The following SMAD2 variants were observed in gnomAD, a reference collection of about 807,000 sequenced individuals.
The protein encoded by SMAD2 is SMAD family member 2.
A neutral mutation model predicts 64.4 loss-of-function variants in SMAD2; 8 were observed. The observed-to-expected ratio is 0.12, with a 90% CI of 0.07 to 0.22. SMAD2 has a LOEUF of 0.22. Ranked by LOEUF, SMAD2 falls within the 10% of genes least tolerant of loss-of-function variation. SMAD2 has a pLI of 1.00. For synonymous variants in SMAD2, 203 were observed against 195.8 expected (o/e 1.04, Z -0.31); for missense variants, 289 against 561.2 (o/e 0.51, Z 4.90).
chr18:47,861,892 T>C (rs2031215585), intron 6 of SMAD2, among the ~76,000 whole-genome samples: 2 of 152,216 alleles, frequency 1.3e-5, no homozygotes, highest in Non-Finnish European at 2.9e-5. Flanking sequence ...ATCAGTCCTA[T>C]TAATACTCTA....
intron 2 of SMAD2, among the ~76,000 whole-genome samples, chr18:47,872,470 A>C (rs2031995474): frequency 6.6e-6 from 1 of 152,208 alleles, no homozygotes; most frequent in African/African-American, 2.4e-5. Flanking sequence ...TATAACAACT[A>C]TTTACACAGC....
rs542729373 is a variant in SMAD2, at chr18:47,827,518, C to T, written c.*14309G>A. The T allele has an allele frequency of 1.3e-5, 2 of 152,530 alleles. No homozygotes were observed. The highest frequency in any genetic ancestry group is 3.9e-4 in the East Asian group (2 of 5,186). The allele number at this position is 152,530 out of a possible 1,614,324, so 9.4% of individuals were successfully genotyped here. A position where few individuals can be genotyped will look rare whatever the true frequency, so the allele number is the denominator to read the frequency against. ...ACGGTCTCCCACTTTCCACCGTCTCCCTCTGATGCCGAGCCAAGGCTGGAC... is the reference window on the plus strand; with the variant it reads ...ACGGTCTCCCACTTTCCACCGTCTCTCTCTGATGCCGAGCCAAGGCTGGAC... On this transcript the variant is annotated 3_prime_UTR_variant, in exon 11 of 11. Transcript: ENST00000262160.
chr18:47,903,977 G>A (rs1050913537), intron 1 of SMAD2, among the ~76,000 whole-genome samples: 1 of 151,100 alleles, frequency 6.6e-6, no homozygotes, highest in Non-Finnish European at 1.5e-5. Context: ...AAAAATGTAT[G>A]AAGAGATAAT....
rs766413165 is a variant in SMAD2, at chr18:47,841,789, T to TAC, written c.*36_*37dup. The stretch of plus-strand genomic sequence containing the variant: ...CACAATGCTATGACAGAAGAGTTGT[T>TAC]ACATTAAGTCTTTTCATGGGACTTG... On this transcript the variant is annotated 3_prime_UTR_variant, in exon 11 of 11. Transcript: ENST00000262160. 6.8e-6 allele frequency: 11 copies of TAC among 1,613,210 alleles called. No homozygotes were observed. The highest frequency in any genetic ancestry group is 1.3e-5 in the African/African-American group (1 of 74,914).
chr18:47,905,453 G>A (rs1437352811), intron 1 of SMAD2, among the ~76,000 whole-genome samples: 3 of 151,322 alleles, frequency 2.0e-5, no homozygotes, highest in Admixed American at 6.6e-5. Flanking sequence ...AAATTCATAT[G>A]GAAACAAAAA....
Position 47,830,203 on chromosome 18 carries a change from A to G in SMAD2, c.*11624T>C, listed in dbSNP as rs151161011. 6 of 152,314 alleles carry G rather than the reference A, an allele frequency of 3.9e-5. No individual in the cohort carries two copies. The highest frequency in any genetic ancestry group is 7.2e-5 in the African/African-American group (3 of 41,562). 9.4% of individuals were successfully genotyped at this position (152,314 alleles called of 1,614,324 possible). The stretch of plus-strand genomic sequence containing the variant: ...TGGTTCTTGGGTAAAACAGACACTA[A>G]TAAGTTTTTTTTCAATATAAAAGAG... On this transcript the variant is annotated 3_prime_UTR_variant, in exon 11 of 11. Transcript: ENST00000262160.
chr18:47,885,849 G>A (rs1388592861), intron 2 of SMAD2, among the ~76,000 whole-genome samples: 2 of 152,052 alleles, frequency 1.3e-5, no homozygotes, highest in African/African-American at 4.8e-5. Context: ...GTAATCCCAG[G>A]TATTCAAGAG....
intron 1 of SMAD2, among the ~76,000 whole-genome samples, chr18:47,898,203 TATC>T (rs1193344220): frequency 5.3e-5 from 8 of 152,256 alleles, no homozygotes; most frequent in Non-Finnish European, 7.3e-5. Context: ...AAGAAATTGT[TATC>T]ATTCCACATT....
intron 1 of SMAD2, among the ~76,000 whole-genome samples, chr18:47,916,292 G>C (rs1463523699): frequency 6.6e-6 from 1 of 152,194 alleles, no homozygotes; most frequent in Non-Finnish European, 1.5e-5. Flanking sequence ...TTTTGTATAA[G>C]ATTAGAGTTA....
chr18:47,861,127 G>A (rs1199380356), intron 6 of SMAD2, among the ~76,000 whole-genome samples: 2 of 152,050 alleles, frequency 1.3e-5, no homozygotes, highest in Admixed American at 6.6e-5. Context: ...AGGCCGAGGC[G>A]GGTGGATCAC....
rs1912360098 is a variant in SMAD2 at position 47,816,189 on chromosome 18, G to A, written c.*25638C>T. On this transcript the variant is annotated 3_prime_UTR_variant, in exon 11 of 11. Transcript: ENST00000262160. ...CAACAATAACAAAAGGCTTTCTTCAGGGAGGGCAGTGGAAGTGAGTTTGAG... is the reference window on the plus strand; with the variant it reads ...CAACAATAACAAAAGGCTTTCTTCAAGGAGGGCAGTGGAAGTGAGTTTGAG... 1 of 152,164 alleles carries A rather than the reference G, an allele frequency of 6.6e-6. No homozygotes were observed. The highest frequency in any genetic ancestry group is 1.5e-5 in the Non-Finnish European group (1 of 68,028). 9.4% of individuals were successfully genotyped at this position (152,164 alleles called of 1,614,324 possible). A position where few individuals can be genotyped will look rare whatever the true frequency, so the allele number is the denominator to read the frequency against.
rs776188435 is a variant in SMAD2 at position 47,809,711 on chromosome 18, A to G, written c.*32116T>C. 3 of 152,212 alleles carry G rather than the reference A, an allele frequency of 2.0e-5. No individual in the cohort carries two copies. The highest frequency in any genetic ancestry group is 2.9e-5 in the Non-Finnish European group (2 of 68,046). 9.4% of individuals were successfully genotyped at this position (152,212 alleles called of 1,614,324 possible). A position where few individuals can be genotyped will look rare whatever the true frequency, so the allele number is the denominator to read the frequency against. On this transcript the variant is annotated 3_prime_UTR_variant, in exon 11 of 11. Coordinates refer to ENST00000262160, the MANE Select transcript of SMAD2 (RefSeq NM_005901.6). ...TCTTTAAATCTTCTGAGGTTTCCCC[A>G]TTACTAAGCTCCCGCCCCCTGACCC...
chr18:47,909,362 T>C (rs1236758084), intron 1 of SMAD2, among the ~76,000 whole-genome samples: 2 of 152,104 alleles, frequency 1.3e-5, no homozygotes, highest in Admixed American at 6.6e-5. Context: ...GCTTAAAAAA[T>C]GTCAAGATAA....
chr18:47,848,419 G>A (rs1482262310), intron 8 of SMAD2, 56 bp downstream of exon 8: 2 of 1,299,288 alleles, frequency 1.5e-6, no homozygotes, highest in African/African-American at 2.9e-5. Context: ...ACCATGCAAT[G>A]CCTACATTAT....
rs186220166 is a variant in SMAD2 at position 47,827,809 on chromosome 18, T to C, written c.*14018A>G. On this transcript the variant is annotated 3_prime_UTR_variant, in exon 11 of 11. Transcript: ENST00000262160. ...CAATGTTGCCCAGGCTGGAGTGCAG[T>C]GGCACGATCTCGGCTCGCTACAACC... is the stretch of plus-strand genomic sequence containing the variant. The C allele has an allele frequency of 7.8e-5, 15 of 191,548 alleles. No homozygotes were observed. Among genetic ancestry groups the C allele is most frequent in the African/African-American group, 2.1e-4 (9 of 42,036 alleles). 11.9% of individuals were successfully genotyped at this position (191,548 alleles called of 1,614,324 possible).
intron 1 of SMAD2, among the ~76,000 whole-genome samples, chr18:47,929,071 T>C (rs1486576314): frequency 1.3e-5 from 2 of 152,232 alleles, no homozygotes; most frequent in Non-Finnish European, 2.9e-5. Flanking sequence ...TTAAATATCT[T>C]GTATGGGTTT....
At chr18:47,890,597 A>G (rs983979359) in intron 2 of SMAD2, among the ~76,000 whole-genome samples, 1 of 152,216 alleles carries the variant, frequency 6.6e-6, no homozygotes, top group African/African-American at 2.4e-5. Context: ...GTACTCAGAT[A>G]GCACTACTGC....
intron 1 of SMAD2, among the ~76,000 whole-genome samples, chr18:47,909,814 G>A (rs990471804): frequency 1.4e-4 from 21 of 152,086 alleles, no homozygotes; most frequent in Admixed American, 1.3e-3. Context: ...GGACAATGTC[G>A]CTGGTAACCC....
chr18:47,859,349 A>T (rs2030984322), intron 6 of SMAD2, among the ~76,000 whole-genome samples: 1 of 152,198 alleles, frequency 6.6e-6, no homozygotes, highest in South Asian at 2.1e-4. Context: ...CCTAAATGAC[A>T]TTTGGAACAC....
Sources: allele counts gnomAD v4.1 joint callset (sites outside exome capture counted in the v4.1 genomes callset), GRCh38; gene constraint gnomAD v4.1.1; transcripts MANE v1.5; gene names NCBI Gene and HGNC (gene_info 2026-07-23, HGNC 2026-07-21).